GCA: variants seen among roughly 807,000 people sequenced by gnomAD.
GCA encodes the protein grancalcin.
In GCA, 30 loss-of-function variants were observed where a neutral mutation model predicts 32.6. That is an observed-to-expected ratio of 0.92 (90% confidence interval 0.69 to 1.25). GCA has a LOEUF of 1.25. GCA is among the 50% of genes most tolerant of loss of function. The pLI is 0.00. For synonymous variants in GCA, 102 were observed against 84.6 expected (o/e 1.21, Z -1.13); for missense variants, 291 against 266.8 (o/e 1.09, Z -0.63).
At chr2:162,373,226 A>G (rs1207994678), downstream of GCA, among the ~76,000 whole-genome samples, 1 of 152,202 alleles carries the variant, frequency 6.6e-6, no homozygotes, top group African/African-American at 2.4e-5. Context: ...TTTTAAAAAA[A>G]ATGCTAATGT....
In GCA at chr2:162,356,453, C is replaced by A; in HGVS notation, c.278C>A (p.Thr93Asn). 2 of 1,569,840 alleles carry A rather than the reference C, an allele frequency of 1.3e-6. No individual in the cohort carries two copies. Among genetic ancestry groups the A allele is most frequent in the African/African-American group, 1.4e-5 (1 of 74,048 alleles). The change falls in exon 4 of 8, where the codon ACC (threonine) becomes AAC (asparagine). Residue 93 changes from threonine to asparagine, a missense_variant. By Grantham distance (65) the Thr-to-Asn change is moderately conservative (BLOSUM62 0). Coordinates refer to ENST00000437150, the MANE Select transcript of GCA (RefSeq NM_012198.5). ...TGTTTTACAGCCTTCAGTTTGGAAA[C>A]CTGCAGAATTATGATTGCCATGTTG... ...NGTYSPFSLE[T>N]CRIMIAMLDR... is the part of the protein sequence containing the mutation.
intron 1 of GCA, among the ~76,000 whole-genome samples, chr2:162,323,655 T>A (rs1683767268): frequency 6.6e-6 from 1 of 151,968 alleles, no homozygotes; most frequent in African/African-American, 2.4e-5. Flanking sequence ...GCACCATTTA[T>A]TAAATAGGGA....
intron 2 of GCA, among the ~76,000 whole-genome samples, chr2:162,351,487 T>C (rs1198928900): frequency 6.6e-6 from 1 of 151,548 alleles, no homozygotes; most frequent in Non-Finnish European, 1.5e-5. Context: ...TAGTATTTTG[T>C]AATTTCTATT....
intron 3 of GCA, among the ~76,000 whole-genome samples, chr2:162,352,746 C>A (rs1685066222): frequency 6.6e-6 from 1 of 152,050 alleles, no homozygotes; most frequent in South Asian, 2.1e-4. Context: ...ATGAGGATTT[C>A]ACTTTATTTT....
Position 162,371,188 on chromosome 2 carries a change from C to T in GCA, c.366-118C>T, listed in dbSNP as rs1685929568. ...GATGGTTTGTAAATGCAATTGGTGA[C>T]ATAATTTTAAATAGAAAGACCTTTG... On this transcript the variant is annotated intron_variant, in intron 4 of 4. Coordinates refer to the GCA transcript ENST00000414723. 4 of 372,384 alleles carry T rather than the reference C, an allele frequency of 1.1e-5. No homozygotes were observed. In the Admixed American group the frequency reaches 1.4e-4, roughly 13 times the overall value. The allele number at this position is 372,384 out of a possible 1,614,324, so 23.1% of individuals were successfully genotyped here.
intron 3 of GCA, among the ~76,000 whole-genome samples, chr2:162,356,098 C>T (rs77591773): frequency 2.6e-5 from 4 of 152,128 alleles, no homozygotes; most frequent in East Asian, 3.9e-4. Flanking sequence ...TTTAACTCCA[C>T]TTGTCATTTG....
upstream of GCA, among the ~76,000 whole-genome samples, chr2:162,343,337 G>C (rs2105299319): frequency 6.6e-6 from 1 of 152,248 alleles, no homozygotes; most frequent in East Asian, 1.9e-4. Context: ...TACTTAATAA[G>C]CCAAAGTAAT....
chr2:162,360,422 A>G lies in GCA; in HGVS notation c.*179A>G, dbSNP rs1685518753. 6.6e-6 allele frequency: 8 copies of G among 1,219,352 alleles called. No individual in the cohort carries two copies. The South Asian group carries it at 1.5e-4, about 23-fold the overall frequency. The allele number at this position is 1,219,352 out of a possible 1,614,324, so 75.5% of individuals were successfully genotyped here. A position where few individuals can be genotyped will look rare whatever the true frequency, so the allele number is the denominator to read the frequency against. On this transcript the variant is annotated 3_prime_UTR_variant, in exon 8 of 8. Transcript: ENST00000437150. ...AAAGCAATAAAAGATTTCTTTTTTAATTTGAGGTATTACTGCTTTTGGAAA... is the reference window on the plus strand; with the variant it reads ...AAAGCAATAAAAGATTTCTTTTTTAGTTTGAGGTATTACTGCTTTTGGAAA...
At chr2:162,373,603 G>A, downstream of GCA, 1 of 1,570,922 alleles carries the variant, frequency 6.4e-7, no homozygotes, top group Non-Finnish European at 8.6e-7. Flanking sequence ...GACCACAGTG[G>A]TTTGTTTCTG....
chr2:162,327,967 C>G (rs1683944412), intron 1 of GCA, among the ~76,000 whole-genome samples: 1 of 152,216 alleles, frequency 6.6e-6, no homozygotes, highest in Non-Finnish European at 1.5e-5. Context: ...TCCTCACAGC[C>G]CTCGCTGGCT....
chr2:162,331,152 A>T (rs186599090), intron 1 of GCA, among the ~76,000 whole-genome samples: 1 of 152,316 alleles, frequency 6.6e-6, no homozygotes, highest in East Asian at 1.9e-4. Flanking sequence ...AATGTGAAAA[A>T]TGTGGCACTA....
intron 1 of GCA, among the ~76,000 whole-genome samples, chr2:162,325,387 T>G (rs1308078306): frequency 6.6e-6 from 1 of 152,172 alleles, no homozygotes; most frequent in Non-Finnish European, 1.5e-5. Flanking sequence ...TGTCTGCTCC[T>G]GGGGCCCATT....
At chr2:162,345,229 T>C (rs1372279346) in intron 1 of GCA, among the ~76,000 whole-genome samples, 1 of 151,974 alleles carries the variant, frequency 6.6e-6, no homozygotes, top group Non-Finnish European at 1.5e-5. Context: ...TTGCTTTCCT[T>C]AAGACTTGCC....
At chr2:162,337,475 A>G (rs1684304926) in intron 1 of GCA, among the ~76,000 whole-genome samples, 1 of 152,152 alleles carries the variant, frequency 6.6e-6, no homozygotes, top group African/African-American at 2.4e-5. Context: ...TGACTTTATT[A>G]CAATCCCTCA....
At chr2:162,344,021 G>T, upstream of GCA, 1 of 594,498 alleles carries the variant, frequency 1.7e-6, no homozygotes. Context: ...GCGGGAAGGG[G>T]CGGACTGCAG....
intron 5 of GCA, among the ~76,000 whole-genome samples, chr2:162,358,349 A>G (rs569733051): frequency 8.6e-5 from 13 of 151,688 alleles, no homozygotes; most frequent in African/African-American, 2.6e-4. Flanking sequence ...ACAATAATAC[A>G]TGTATAGAAT....
chr2:162,351,905 A>G (rs1367444744), intron 2 of GCA, among the ~76,000 whole-genome samples: 2 of 152,088 alleles, frequency 1.3e-5, no homozygotes, highest in African/African-American at 2.4e-5. Context: ...GCTAGGGGTA[A>G]TGGTGGGGGA....
intron 1 of GCA, among the ~76,000 whole-genome samples, chr2:162,346,143 G>A (rs1684695391): frequency 6.6e-6 from 1 of 152,080 alleles, no homozygotes; most frequent in Non-Finnish European, 1.5e-5. Context: ...CACAGGAAAT[G>A]AAACAATCTA....
At chr2:162,332,889 G>C (rs1684147684) in intron 1 of GCA, among the ~76,000 whole-genome samples, 1 of 152,010 alleles carries the variant, frequency 6.6e-6, no homozygotes, top group South Asian at 2.1e-4. Context: ...AGGCTCAATG[G>C]GTGGATCACT....
Sources: gnomAD v4.1 joint callset for allele counts (sites outside exome capture counted in the v4.1 genomes callset) on GRCh38, gnomAD v4.1.1 for gene constraint, MANE v1.5 for transcripts, NCBI Gene and HGNC (gene_info 2026-07-23, HGNC 2026-07-21) for gene names.